The following PARD6G variants were observed in gnomAD, a reference collection of about 807,000 sequenced individuals.
The protein encoded by PARD6G is par-6 family cell polarity regulator gamma, also known as partitioning defective 6 homolog gamma.
PARD6G carries 7 observed loss-of-function variants against 10.7 expected under a neutral mutation model. The observed-to-expected ratio is 0.66, with a 90% confidence interval of 0.37 to 1.23. The LOEUF (loss-of-function observed/expected upper bound fraction) is 1.23, where lower values mean the gene tolerates loss of function less well. PARD6G is among the 50% of genes most tolerant of loss of function. The pLI, the probability that PARD6G is intolerant of heterozygous loss-of-function variation, is 0.02. For missense variants in PARD6G, 548 were observed against 571.8 expected (o/e 0.96, Z 0.42); for synonymous variants, 287 against 269.4 (o/e 1.07, Z -0.64).
intron 1 of PARD6G, among the ~76,000 whole-genome samples, chr18:80,216,882 T>G (rs764859083): frequency 3.3e-5 from 5 of 151,918 alleles, no homozygotes; most frequent in Non-Finnish European, 5.9e-5. Context: ...AAGAAAATAA[T>G]GAGAGAAGAT....
intron 1 of PARD6G, among the ~76,000 whole-genome samples, chr18:80,226,503 G>A (rs1176039688): frequency 6.6e-6 from 1 of 152,112 alleles, no homozygotes; most frequent in African/African-American, 2.4e-5. Context: ...GCATACGAAA[G>A]CAAACAAATG....
chr18:80,207,013 G>T (rs1192590488), intron 1 of PARD6G, among the ~76,000 whole-genome samples: 35 of 141,896 alleles, frequency 2.5e-4, no homozygotes, highest in African/African-American at 4.4e-4. Flanking sequence ...TATCAATAAA[G>T]ACTTAACAGT....
At chr18:80,226,907 C>T (rs1245079353) in intron 1 of PARD6G, among the ~76,000 whole-genome samples, 1 of 152,214 alleles carries the variant, frequency 6.6e-6, no homozygotes, top group East Asian at 1.9e-4. Flanking sequence ...ACTACAATCA[C>T]ATAGCAGGCA....
At chr18:80,244,796 T>C (rs2083137277) in intron 1 of PARD6G, among the ~76,000 whole-genome samples, 1 of 152,178 alleles carries the variant, frequency 6.6e-6, no homozygotes, top group South Asian at 2.1e-4. Flanking sequence ...GAGGTTGTCA[T>C]AAGGCTTTGC....
intron 1 of PARD6G, among the ~76,000 whole-genome samples, chr18:80,222,354 G>A (rs1297560358): frequency 6.6e-6 from 1 of 152,080 alleles, no homozygotes; most frequent in Non-Finnish European, 1.5e-5. Flanking sequence ...CTCCCAAAGT[G>A]TTGGGACTAT....
At chr18:80,163,479 G>C (rs1430150809) in intron 2 of PARD6G, among the ~76,000 whole-genome samples, 7 of 152,192 alleles carry the variant, frequency 4.6e-5, no homozygotes, top group Non-Finnish European at 7.3e-5. Flanking sequence ...ACCTCCCTCT[G>C]AGAGCCGCTT....
chr18:80,217,293 C>G (rs1478564572), intron 1 of PARD6G, among the ~76,000 whole-genome samples: 1 of 152,140 alleles, frequency 6.6e-6, no homozygotes, highest in African/African-American at 2.4e-5. Context: ...GTAGACAGGT[C>G]TACCATACAG....
intron 1 of PARD6G, among the ~76,000 whole-genome samples, chr18:80,210,666 A>G (rs1448509297): frequency 6.6e-6 from 1 of 152,208 alleles, no homozygotes; most frequent in East Asian, 1.9e-4. Context: ...GTTTTTTTCC[A>G]TGGGCCAAGT....
intron 2 of PARD6G, among the ~76,000 whole-genome samples, chr18:80,195,640 G>A (rs772259597): frequency 1.5e-4 from 22 of 143,012 alleles, no homozygotes; most frequent in Non-Finnish European, 3.0e-4. Context: ...CACTTTGGGA[G>A]GCTGAGGTGG....
At chr18:80,211,705 A>G (rs1967110051) in intron 1 of PARD6G, among the ~76,000 whole-genome samples, 2 of 152,250 alleles carry the variant, frequency 1.3e-5, no homozygotes, top group Non-Finnish European at 2.9e-5. Flanking sequence ...CATACATACA[A>G]TGGAATATTA....
chr18:80,176,679 A>G (rs1415991532), intron 2 of PARD6G, among the ~76,000 whole-genome samples: 1 of 152,210 alleles, frequency 6.6e-6, no homozygotes, highest in Non-Finnish European at 1.5e-5. Context: ...AGTACAAGTC[A>G]GCCTTGAAGA....
intron 1 of PARD6G, among the ~76,000 whole-genome samples, chr18:80,203,462 G>A (rs889786009): frequency 3.3e-5 from 5 of 152,046 alleles, no homozygotes; most frequent in South Asian, 2.1e-4. Flanking sequence ...CGGCCCTCTC[G>A]TCCACACTGA....
chr18:80,168,571 GTT>G (rs1221259481), intron 2 of PARD6G, among the ~76,000 whole-genome samples: 14 of 113,250 alleles, frequency 1.2e-4, no homozygotes, highest in Admixed American at 5.7e-4. Flanking sequence ...GTCAAATTAT[GTT>G]TGTGTGTGTG....
At chr18:80,165,550 G>A (rs1446390121) in intron 2 of PARD6G, among the ~76,000 whole-genome samples, 1 of 66,180 alleles carries the variant, frequency 1.5e-5, no homozygotes, top group Non-Finnish European at 3.3e-5. Context: ...GAAGATAACA[G>A]GATTAAGAGA....
At chr18:80,209,807 G>A (rs1967089014) in intron 1 of PARD6G, among the ~76,000 whole-genome samples, 1 of 152,124 alleles carries the variant, frequency 6.6e-6, no homozygotes, top group African/African-American at 2.4e-5. Flanking sequence ...GTAAGACCCT[G>A]TCTCAAAAAA....
intron 1 of PARD6G, among the ~76,000 whole-genome samples, chr18:80,226,093 G>A (rs1055130821): frequency 6.7e-6 from 1 of 148,172 alleles, no homozygotes; most frequent in African/African-American, 2.5e-5. Context: ...TATTCAAAAG[G>A]TATTTAGTGA....
intron 2 of PARD6G, among the ~76,000 whole-genome samples, chr18:80,163,120 CAAG>C (rs1312674371): frequency 6.6e-6 from 1 of 152,156 alleles, no homozygotes. Context: ...TATGCACTTT[CAAG>C]AAGGCAACCC....
chr18:80,213,136 C>T (rs897817190), intron 1 of PARD6G, among the ~76,000 whole-genome samples: 1 of 152,132 alleles, frequency 6.6e-6, no homozygotes, highest in Non-Finnish European at 1.5e-5. Flanking sequence ...TGAGGACTTA[C>T]TGGACTTAAT....
chr18:80,239,904 T>C (rs1967470973), intron 1 of PARD6G, among the ~76,000 whole-genome samples: 1 of 152,232 alleles, frequency 6.6e-6, no homozygotes, highest in African/African-American at 2.4e-5. Context: ...ACAAGAAGCA[T>C]GGTGCCAGTA....
Sources: allele counts gnomAD v4.1 joint callset (sites outside exome capture counted in the v4.1 genomes callset), GRCh38; gene constraint gnomAD v4.1.1; transcripts MANE v1.5; gene names NCBI Gene and HGNC (gene_info 2026-07-23, HGNC 2026-07-21).